The following HAAO variants were observed in gnomAD, a reference collection of about 807,000 sequenced individuals.
HAAO encodes 3-hydroxyanthranilate oxygenase.
A neutral mutation model predicts 46.2 loss-of-function variants in HAAO; 49 were observed. The ratio of observed to expected loss-of-function variants is 1.06; its 90% CI spans 0.84 to 1.34. HAAO has a LOEUF of 1.34. HAAO is among the 40% of genes most tolerant of loss of function. The pLI is 0.00. For missense variants in HAAO, 408 were observed against 364.5 expected (o/e 1.12, Z -0.97); for synonymous variants, 157 against 145.2 (o/e 1.08, Z -0.58).
chr2:42,770,053 A>G (rs1279887297), intron 6 of HAAO, 90 bp downstream of exon 6: 2 of 1,309,484 alleles, frequency 1.5e-6, no homozygotes, highest in African/African-American at 2.9e-5. Flanking sequence ...AGAGTATTCA[A>G]AAAGAGACTC....
At chr2:42,782,046 TG>T in intron 4 of HAAO, among the ~76,000 whole-genome samples, 1 of 152,358 alleles carries the variant, frequency 6.6e-6, no homozygotes, top group East Asian at 1.9e-4. Context: ...TCTTGCCTAA[TG>T]TTTTTCAATT....
rs917640070 is a variant in HAAO, at chr2:42,770,508, G to A, written c.425C>T (p.Ala142Val). Residue 142 changes from alanine (A) to valine (V), a missense_variant, in exon 5 of 10, where the codon GCC becomes GTC. Coordinates refer to ENST00000294973, the MANE Select transcript of HAAO (RefSeq NM_012205.3). ...FYCKDLGTQL[A>V]PIIQEFFSSE... ...GGGGGCTCACTCCTGGATGATGGGG[G>A]CCAACTGCGTGCCGAGGTCCTTGCA... The A allele has an allele frequency of 1.9e-6, 3 of 1,550,936 alleles. No individual in the cohort carries two copies. The highest frequency in any genetic ancestry group is 1.4e-5 in the African/African-American group (1 of 73,076).
chr2:42,784,935 G>C (rs1272194833), intron 2 of HAAO, among the ~76,000 whole-genome samples: 1 of 152,200 alleles, frequency 6.6e-6, no homozygotes, highest in Non-Finnish European at 1.5e-5. Flanking sequence ...CAGATAGCTG[G>C]TCACCACACA....
chr2:42,789,230 G>C (rs1388927237), intron 1 of HAAO: 2 of 153,274 alleles, frequency 1.3e-5, no homozygotes, highest in African/African-American at 2.4e-5. Flanking sequence ...ATTAATATTT[G>C]GAAGCTCTCA....
chr2:42,787,466 C>T (rs534995646), intron 2 of HAAO, among the ~76,000 whole-genome samples: 53 of 152,274 alleles, frequency 3.5e-4, no homozygotes, highest in Middle Eastern at 3.4e-3. Context: ...ACCAAGGAAA[C>T]GGTCTCCAGT....
chr2:42,775,281 G>T lies in HAAO; in HGVS notation c.351-4699C>A, dbSNP rs542023483. Among the ~76,000 whole-genome samples the T allele has an allele frequency of 6.0e-5, 9 of 150,574 alleles. No individual in the cohort carries two copies. The South Asian group carries it at 1.7e-3, about 28-fold the overall frequency. ...AAAAAAAAAAAAAAGGTTGTCTGGTGGGGGGAGAAAAAAGGCCAGTAAAAG... is the reference window on the plus strand; with the variant it reads ...AAAAAAAAAAAAAAGGTTGTCTGGTTGGGGGAGAAAAAAGGCCAGTAAAAG... On this transcript the variant is annotated intron_variant, in intron 4 of 9. Transcript: ENST00000294973.
intron 2 of HAAO, among the ~76,000 whole-genome samples, chr2:42,787,428 G>GT (rs1672469887): frequency 1.3e-5 from 2 of 152,142 alleles, no homozygotes; most frequent in South Asian, 4.1e-4. Flanking sequence ...CCTCAGTATA[G>GT]TTTTAGATTT....
intron 5 of HAAO, 72 bp from the exon 6 acceptor site, chr2:42,770,258 A>G (rs1671008218): frequency 4.7e-6 from 6 of 1,286,870 alleles, no homozygotes; most frequent in Non-Finnish European, 6.6e-6. Context: ...ACACACATAC[A>G]CCACACTCAC....
At chr2:42,789,455 A>T (rs2011388) in intron 1 of HAAO, among the ~76,000 whole-genome samples, 4 of 152,072 alleles carry the variant, frequency 2.6e-5, no homozygotes, top group South Asian at 2.1e-4. Context: ...CTGTAATCCC[A>T]GCTACCTGGG....
chr2:42,775,406 T>C (rs1269182137), intron 4 of HAAO, among the ~76,000 whole-genome samples: 1 of 152,096 alleles, frequency 6.6e-6, no homozygotes, highest in Non-Finnish European at 1.5e-5. Flanking sequence ...GAAAGAGCAA[T>C]GGCTGTACTT....
At position 42,767,646 on chromosome 2, in the gene HAAO, C is replaced by T. The variant is rs553933735; in HGVS notation, c.731G>A (p.Arg244Gln). ...GTCATCAGGGGCCAGGCTCAGGCGC[C>T]GTCCCCCCATTGTCACCACCGAGGA... ...EGSSVVTMGG[R>Q]RLSLAPDDSL... The change falls in exon 9 of 10, where the codon CGG becomes CAG. Residue 244 changes from arginine to glutamine, a missense_variant. Transcript: ENST00000294973. The T allele has an allele frequency of 1.7e-5, 26 of 1,568,788 alleles. No individual in the cohort carries two copies. The East Asian group carries it at 1.9e-4, about 11-fold the overall frequency.
chr2:42,786,266 G>A (rs896789617), intron 2 of HAAO, among the ~76,000 whole-genome samples: 16 of 152,148 alleles, frequency 1.1e-4, no homozygotes, highest in Non-Finnish European at 2.4e-4. Context: ...CCTGGCCTGG[G>A]GCAGAGGTAC....
At chr2:42,773,573 C>A (rs895354030) in intron 4 of HAAO, among the ~76,000 whole-genome samples, 1 of 151,264 alleles carries the variant, frequency 6.6e-6, no homozygotes, top group Non-Finnish European at 1.5e-5. Flanking sequence ...TTAGGGCAAA[C>A]CTACCCCCTA....
At chr2:42,770,642 C>G (rs1671044387) in intron 4 of HAAO, 60 bp from the exon 5 acceptor site, 1 of 1,064,934 alleles carries the variant, frequency 9.4e-7, no homozygotes, top group Admixed American at 2.3e-5. Context: ...CAGGGCAGCC[C>G]CACTCAGGCC....
intron 7 of HAAO, 79 bp from the exon 8 acceptor site, chr2:42,768,007 C>T: frequency 1.6e-6 from 2 of 1,275,980 alleles, no homozygotes; most frequent in East Asian, 4.6e-5. Flanking sequence ...CCCCAGACAC[C>T]AGGCCTGCTT....
chr2:42,772,396 G>A (rs958246385), intron 4 of HAAO, among the ~76,000 whole-genome samples: 1 of 151,512 alleles, frequency 6.6e-6, no homozygotes, highest in Admixed American at 6.6e-5. Context: ...CAGGAGGATT[G>A]CTTGAACCCG....
At chr2:42,789,131 A>G (rs567298965) in intron 1 of HAAO, 1 of 176,074 alleles carries the variant, frequency 5.7e-6, no homozygotes, top group African/African-American at 2.3e-5. Context: ...GCATGTGTTT[A>G]TAAGCACAGG....
intron 4 of HAAO, among the ~76,000 whole-genome samples, chr2:42,782,240 G>A (rs1054505678): frequency 6.6e-6 from 1 of 152,164 alleles, no homozygotes; most frequent in African/African-American, 2.4e-5. Flanking sequence ...AACTTCAGAA[G>A]AAAATGTCAG....
intron 4 of HAAO, among the ~76,000 whole-genome samples, chr2:42,781,128 AT>A (rs1034368497): frequency 1.3e-5 from 2 of 151,936 alleles, no homozygotes; most frequent in Admixed American, 1.3e-4. Context: ...TTTGGAGCAT[AT>A]TTTTTTCTCT....
Sources: allele counts gnomAD v4.1 joint callset (sites outside exome capture counted in the v4.1 genomes callset), GRCh38; gene constraint gnomAD v4.1.1; transcripts MANE v1.5; gene names NCBI Gene and HGNC (gene_info 2026-07-23, HGNC 2026-07-21).